Variants in ATOSA observed in about 807,000 individuals in gnomAD.
ATOSA encodes the protein atos homolog protein A.
At chr15:52,654,829 T>C in the ATOSA span, among the ~76,000 whole-genome samples, 1 of 152,224 alleles carries the variant, frequency 6.6e-6, no homozygotes, top group East Asian at 1.9e-4. Context: ...ATGCTATCTT[T>C]GAGACTTTCT....
the ATOSA span, chr15:52,600,311 C>A: frequency 3.5e-6 from 3 of 852,328 alleles, no homozygotes; most frequent in Non-Finnish European, 5.6e-6. Context: ...CAGGGTCTCA[C>A]TCTGTCACCC....
At chr15:52,596,719 A>C in the ATOSA span, among the ~76,000 whole-genome samples, 1 of 152,202 alleles carries the variant, frequency 6.6e-6, no homozygotes, top group Non-Finnish European at 1.5e-5. Flanking sequence ...AGCCCTTCAG[A>C]AGAATTATCT....
the ATOSA span, among the ~76,000 whole-genome samples, chr15:52,629,067 A>G: frequency 6.6e-6 from 1 of 152,210 alleles, no homozygotes; most frequent in Admixed American, 6.5e-5. Context: ...TCAATCTATA[A>G]GTGTCCATAT....
chr15:52,693,325 TAGG>T, the ATOSA span, among the ~76,000 whole-genome samples: 2 of 151,936 alleles, frequency 1.3e-5, no homozygotes, highest in African/African-American at 2.4e-5. Context: ...GAGGCTAAGG[TAGG>T]AGAACCAGTT....
At chr15:52,600,565 C>T in the ATOSA span, among the ~76,000 whole-genome samples, 1 of 152,068 alleles carries the variant, frequency 6.6e-6, no homozygotes, top group Non-Finnish European at 1.5e-5. Flanking sequence ...CAGATTTTAT[C>T]TTTCTTTATA....
At chr15:52,583,542 C>T in the ATOSA span, among the ~76,000 whole-genome samples, 888 of 152,228 alleles carry the variant, frequency 5.8e-3, 4 homozygotes, top group East Asian at 0.025. Flanking sequence ...TCCACCACCA[C>T]GCCTGGCTAA....
At chr15:52,638,593 T>C in the ATOSA span, among the ~76,000 whole-genome samples, 1 of 150,560 alleles carries the variant, frequency 6.6e-6, no homozygotes, top group Admixed American at 6.7e-5. Context: ...CCCAGCTACT[T>C]GGGAGGCAGA....
At chr15:52,596,999 A>T in the ATOSA span, among the ~76,000 whole-genome samples, 1 of 152,204 alleles carries the variant, frequency 6.6e-6, no homozygotes, top group African/African-American at 2.4e-5. Context: ...TTAAAACCAC[A>T]ATAATTAAGA....
At chr15:52,687,287 C>A in the ATOSA span, among the ~76,000 whole-genome samples, 1 of 152,200 alleles carries the variant, frequency 6.6e-6, no homozygotes, top group Admixed American at 6.5e-5. Flanking sequence ...CGCGTGTAGT[C>A]CCACCTACTC....
At chr15:52,647,195 G>C in the ATOSA span, among the ~76,000 whole-genome samples, 1 of 151,720 alleles carries the variant, frequency 6.6e-6, no homozygotes, top group African/African-American at 2.4e-5. Context: ...CTTTCATTAA[G>C]CTAACCTGCA....
the ATOSA span, among the ~76,000 whole-genome samples, chr15:52,698,007 G>C: frequency 4.8e-5 from 5 of 104,718 alleles, no homozygotes; most frequent in Non-Finnish European, 9.2e-5. Context: ...GACAGAGTCT[G>C]GCTGTGTCAC....
chr15:52,686,324 T>C, the ATOSA span, among the ~76,000 whole-genome samples: 1 of 152,354 alleles, frequency 6.6e-6, no homozygotes, highest in East Asian at 1.9e-4. Flanking sequence ...AAAGTAGATA[T>C]AAACAGCAGC....
chr15:52,701,298 G>C, the ATOSA span, among the ~76,000 whole-genome samples: 1 of 152,058 alleles, frequency 6.6e-6, no homozygotes, highest in African/African-American at 2.4e-5. Flanking sequence ...CATTAACCAG[G>C]CATGGTGGTC....
the ATOSA span, among the ~76,000 whole-genome samples, chr15:52,605,694 G>A: frequency 1.3e-5 from 2 of 151,990 alleles, no homozygotes; most frequent in African/African-American, 4.8e-5. Context: ...AATAAATTAA[G>A]TTCTAAAGAA....
the ATOSA span, among the ~76,000 whole-genome samples, chr15:52,662,734 C>T: frequency 1.4e-5 from 2 of 145,192 alleles, no homozygotes; most frequent in East Asian, 4.1e-4. Context: ...CGAGCCACTG[C>T]ACTCCAGCCT....
the ATOSA span, among the ~76,000 whole-genome samples, chr15:52,699,553 C>T: frequency 6.6e-6 from 1 of 151,552 alleles, no homozygotes; most frequent in African/African-American, 2.4e-5. Flanking sequence ...GCCTCTTCAC[C>T]CTCCCGTTTC....
At chr15:52,673,364 C>T in the ATOSA span, among the ~76,000 whole-genome samples, 1 of 152,198 alleles carries the variant, frequency 6.6e-6, no homozygotes, top group South Asian at 2.1e-4. Flanking sequence ...CTTACTGCTA[C>T]CAGTCAGGGA....
the ATOSA span, among the ~76,000 whole-genome samples, chr15:52,672,172 C>CCAAAAAAA: frequency 1.6e-5 from 1 of 62,552 alleles, no homozygotes; most frequent in Non-Finnish European, 2.8e-5. Context: ...CCCCATTTCT[C>CCAAAAAAA]AAAAAAAAAA....
chr15:52,655,437 T>C, the ATOSA span, among the ~76,000 whole-genome samples: 1 of 152,108 alleles, frequency 6.6e-6, no homozygotes, highest in African/African-American at 2.4e-5. Context: ...TCTGTAAAAC[T>C]TCACTACTTC....
Sources: allele counts gnomAD v4.1 joint callset (sites outside exome capture counted in the v4.1 genomes callset), GRCh38; gene constraint gnomAD v4.1.1; transcripts MANE v1.5; gene names NCBI Gene and HGNC (gene_info 2026-07-23, HGNC 2026-07-21).